Variants in ADAMTS19 observed in about 807,000 individuals in gnomAD.
ADAMTS19 encodes ADAM metallopeptidase with thrombospondin type 1 motif 19.
In ADAMTS19, 93 loss-of-function variants were observed where a neutral mutation model predicts 153.3. The ratio of observed to expected loss-of-function variants is 0.61; its 90% confidence interval spans 0.51 to 0.72. The LOEUF (loss-of-function observed/expected upper bound fraction) is 0.72, where lower values mean the gene tolerates loss of function less well. ADAMTS19 is among the 30% of genes least tolerant of loss of function. The pLI is 0.00. For synonymous variants in ADAMTS19, 600 were observed against 556.6 expected, an observed-to-expected ratio of 1.08 and a Z score of -1.10; for missense variants, 1,482 against 1,552.1, an observed-to-expected ratio of 0.95 and a Z score of 0.76.
intron 15 of ADAMTS19, among the ~76,000 whole-genome samples, chr5:129,662,676 C>T (rs1042034245): frequency 2.0e-5 from 3 of 152,086 alleles, no homozygotes; most frequent in African/African-American, 2.4e-5. Flanking sequence ...CTGCTCCCAA[C>T]ACTTTGCTGA....
At chr5:129,486,792 A>C (rs997538429) in intron 2 of ADAMTS19, among the ~76,000 whole-genome samples, 1 of 152,236 alleles carries the variant, frequency 6.6e-6, no homozygotes, top group African/African-American at 2.4e-5. Context: ...ATTAAAAATC[A>C]GAAGCAGGAG....
At chr5:129,488,822 T>G (rs1348001648) in intron 2 of ADAMTS19, among the ~76,000 whole-genome samples, 1 of 152,118 alleles carries the variant, frequency 6.6e-6, no homozygotes, top group Non-Finnish European at 1.5e-5. Context: ...TTCTACACTG[T>G]TTTTTGTATT....
chr5:129,572,598 A>G (rs559365007), intron 7 of ADAMTS19, among the ~76,000 whole-genome samples: 1 of 152,160 alleles, frequency 6.6e-6, no homozygotes, highest in Admixed American at 6.6e-5. Flanking sequence ...ATGAAAAGAA[A>G]TGAATTAGTG....
At chr5:129,467,443 T>C (rs1749902760) in intron 2 of ADAMTS19, among the ~76,000 whole-genome samples, 1 of 152,114 alleles carries the variant, frequency 6.6e-6, no homozygotes, top group African/African-American at 2.4e-5. Context: ...ACACAAACCT[T>C]CAGATTGAAG....
At chr5:129,593,344 C>T (rs1006464728) in intron 7 of ADAMTS19, among the ~76,000 whole-genome samples, 5 of 152,116 alleles carry the variant, frequency 3.3e-5, no homozygotes, top group Non-Finnish European at 7.4e-5. Context: ...TATTAGTTCA[C>T]CCAACACTAT....
chr5:129,613,539 T>C (rs550908530), intron 8 of ADAMTS19, among the ~76,000 whole-genome samples: 1 of 151,752 alleles, frequency 6.6e-6, no homozygotes, highest in African/African-American at 2.4e-5. Flanking sequence ...TAAAGCAGTG[T>C]GTAAAGGGAA....
chr5:129,576,446 A>G (rs938225568), intron 7 of ADAMTS19, among the ~76,000 whole-genome samples: 5 of 152,266 alleles, frequency 3.3e-5, no homozygotes, highest in African/African-American at 1.2e-4. Flanking sequence ...ATACTAAATT[A>G]GGCAAAGAAA....
chr5:129,532,598 A>C (rs1008256480), intron 6 of ADAMTS19, among the ~76,000 whole-genome samples: 15 of 152,332 alleles, frequency 9.8e-5, no homozygotes, highest in African/African-American at 2.6e-4. Context: ...TTTACTTAAG[A>C]AAAATAAAAA....
At chr5:129,546,484 A>T (rs982251123) in intron 6 of ADAMTS19, among the ~76,000 whole-genome samples, 2 of 150,872 alleles carry the variant, frequency 1.3e-5, no homozygotes, top group Non-Finnish European at 2.9e-5. Context: ...AAAGAGTGTT[A>T]AAAAAGTAAG....
At chr5:129,498,048 C>T (rs1246243111) in intron 2 of ADAMTS19, among the ~76,000 whole-genome samples, 2 of 152,088 alleles carry the variant, frequency 1.3e-5, no homozygotes, top group African/African-American at 4.8e-5. Flanking sequence ...TCCTGCCAAC[C>T]TGTCTGCTCT....
Position 129,563,926 on chromosome 5 carries a change from CT to C in ADAMTS19, c.1372+12030del, listed in dbSNP as rs767368140. ...GACATGGAGATCTAACCAGGTGAAA[CT>C]TTTTTTTTTTGACACGTAGTATCTC... On this transcript the variant is annotated intron_variant, in intron 7 of 22. Coordinates refer to ENST00000274487, the MANE Select transcript of ADAMTS19 (RefSeq NM_133638.6). 4.8e-3 allele frequency among the ~76,000 whole-genome samples: 710 copies of C among 148,702 alleles called. 4 individuals are homozygous for C. Among genetic ancestry groups the C allele is most frequent in the Middle Eastern group, 0.011 (3 of 282 alleles).
chr5:129,720,178 T>TA (rs1561669006), intron 21 of ADAMTS19, among the ~76,000 whole-genome samples: 1 of 140,642 alleles, frequency 7.1e-6, no homozygotes, highest in Non-Finnish European at 1.5e-5. Flanking sequence ...ATATTTATTT[T>TA]TTTTTTTTTT....
chr5:129,685,496 G>T (rs1043075856), intron 18 of ADAMTS19, among the ~76,000 whole-genome samples: 1 of 152,042 alleles, frequency 6.6e-6, no homozygotes, highest in Non-Finnish European at 1.5e-5. Flanking sequence ...GACTGACAAT[G>T]ATTGTTATAC....
intron 9 of ADAMTS19, among the ~76,000 whole-genome samples, 181 bp from the exon 10 acceptor site, chr5:129,622,017 A>T (rs1369030221): frequency 2.6e-5 from 4 of 152,178 alleles, no homozygotes; most frequent in African/African-American, 9.7e-5. Context: ...ATTATTTATT[A>T]CGATTATCTT....
At chr5:129,579,761 C>T (rs1233523371) in intron 7 of ADAMTS19, among the ~76,000 whole-genome samples, 1 of 152,000 alleles carries the variant, frequency 6.6e-6, no homozygotes, top group Non-Finnish European at 1.5e-5. Context: ...AGTGGCCTTA[C>T]TTCTGAGGCC....
At chr5:129,544,014 CTTTTCCACA>C (rs1311527311) in intron 6 of ADAMTS19, among the ~76,000 whole-genome samples, 4 of 152,118 alleles carry the variant, frequency 2.6e-5, no homozygotes, top group Non-Finnish European at 1.5e-5. Flanking sequence ...TTAGCTCTAC[CTTTTCCACA>C]TTACTCTCGT....
intron 7 of ADAMTS19, among the ~76,000 whole-genome samples, chr5:129,570,593 C>A (rs536029113): frequency 1.3e-5 from 2 of 149,828 alleles, no homozygotes. Flanking sequence ...TTAGATTTAC[C>A]GATACTAAAA....
intron 10 of ADAMTS19, 77 bp from the exon 11 acceptor site, chr5:129,641,782 C>G (rs916161432): frequency 1.2e-6 from 1 of 839,518 alleles, no homozygotes; most frequent in Non-Finnish European, 1.8e-6. Flanking sequence ...ATCAAAATAG[C>G]TTTCTTAACA....
At chr5:129,616,019 T>G (rs1403851758) in intron 8 of ADAMTS19, among the ~76,000 whole-genome samples, 1 of 152,030 alleles carries the variant, frequency 6.6e-6, no homozygotes, top group African/African-American at 2.4e-5. Flanking sequence ...AAGGAATCTC[T>G]TTTTGTACCT....
Sources: gnomAD v4.1 joint callset for allele counts (sites outside exome capture counted in the v4.1 genomes callset) on GRCh38, gnomAD v4.1.1 for gene constraint, MANE v1.5 for transcripts, NCBI Gene and HGNC (gene_info 2026-07-23, HGNC 2026-07-21) for gene names.